KIFC1: variants seen among roughly 807,000 people sequenced by gnomAD.
KIFC1 encodes kinesin family member C1.
In KIFC1, 37 loss-of-function variants were observed where a neutral mutation model predicts 66.6. The ratio of observed to expected loss-of-function variants is 0.56; its 90% CI spans 0.43 to 0.73. KIFC1 has a LOEUF of 0.73. KIFC1 is among the 30% of genes least tolerant of loss of function. The pLI, the probability that KIFC1 is intolerant of heterozygous loss-of-function variation, is 0.00. For missense variants in KIFC1, 721 were observed against 859.8 expected, an observed-to-expected ratio of 0.84 and a Z score of 2.02; for synonymous variants, 325 against 343.5, an observed-to-expected ratio of 0.95 and a Z score of 0.60.
chr6:33,397,611 A>G (rs1775123403), intron 1 of KIFC1, among the ~76,000 whole-genome samples: 1 of 152,220 alleles, frequency 6.6e-6, no homozygotes, highest in Non-Finnish European at 1.5e-5. Flanking sequence ...GAAACATTTC[A>G]AACATGGCTC....
chr6:33,395,093 C>T (rs57206692), intron 1 of KIFC1, among the ~76,000 whole-genome samples: 9,073 of 152,190 alleles, frequency 0.06, 917 homozygotes, highest in African/African-American at 0.21. Context: ...CATGAAGTTA[C>T]TTGTGATCTT....
At position 33,406,212 on chromosome 6, in the gene KIFC1, A is replaced by G; in HGVS notation, c.1553A>G (p.His518Arg). Residue 518 changes from histidine (H) to arginine (R), a missense_variant, in exon 8 of 11, where the codon CAT (histidine) becomes CGT (arginine). Coordinates refer to ENST00000428849, the MANE Select transcript of KIFC1 (RefSeq NM_002263.4). The surrounding 1 kb of genome is among the most constrained non-coding windows in gnomAD (Gnocchi z 4.5). Reference protein sequence around the residue: ...SCEKEVDALLHLARQNRAVAR... With the variant: ...SCEKEVDALLRLARQNRAVAR... ...CATCCCCAGGTGGACGCCCTGCTTC[A>G]TCTGGCCCGCCAGAATCGGGCTGTG... 1 of 1,606,800 alleles carries G rather than the reference A, an allele frequency of 6.2e-7. No homozygotes were observed. The highest frequency in any genetic ancestry group is 8.5e-7 in the Non-Finnish European group (1 of 1,174,728).
intron 1 of KIFC1, among the ~76,000 whole-genome samples, chr6:33,392,966 T>C (rs1422595730): frequency 6.6e-6 from 1 of 152,130 alleles, no homozygotes; most frequent in South Asian, 2.1e-4. Context: ...AGACAATAAA[T>C]GTAATAAATG....
chr6:33,401,061 TTTG>T lies in KIFC1; in HGVS notation c.251-2250_251-2248del, dbSNP rs750355709. On this transcript the variant is annotated intron_variant, in intron 3 of 10. Coordinates refer to ENST00000428849, the MANE Select transcript of KIFC1 (RefSeq NM_002263.4). This position sits in a 1 kb window ranked among gnomAD's most constrained non-coding sequence, Gnocchi z 4.5. ...CCTCATGCTTTTTTTCTATCTAAAT[TTTG>T]TTTTGGGCGGGGAGCATATATTCAG... Among the ~76,000 whole-genome samples, 4 of 152,220 alleles carry T rather than the reference TTTG, an allele frequency of 2.6e-5. No individual in the cohort carries two copies. Among genetic ancestry groups the T allele is most frequent in the Non-Finnish European group, 5.9e-5 (4 of 68,032 alleles).
At chr6:33,407,089 T>C (rs1371095006) in intron 10 of KIFC1, 1 of 1,381,292 alleles carries the variant, frequency 7.2e-7, no homozygotes, top group Admixed American at 3.3e-5. Flanking sequence ...AGAAAGCTGA[T>C]TAAAAAAAAA....
At position 33,400,446 on chromosome 6, in the gene KIFC1, C is replaced by T; in HGVS notation, c.250+2059C>T. ...TGTCATCACCAACCTTTTTTGGAGA[C>T]AGACCCAGGGGGCCGATCTTGGGGG... On this transcript the variant is annotated intron_variant, in intron 3 of 10. Transcript: ENST00000428849. The surrounding 1 kb of genome is among the most constrained non-coding windows in gnomAD (Gnocchi z 4.3). 6.2e-7 allele frequency: 1 copy of T among 1,603,728 alleles called. No individual in the cohort carries two copies. Among genetic ancestry groups the T allele is most frequent in the South Asian group, 1.1e-5 (1 of 90,864 alleles).
rs772873310 is a variant in KIFC1, at chr6:33,406,577, A to G, written c.1828-15A>G. The G allele has an allele frequency of 8.1e-6, 13 of 1,613,912 alleles. No individual in the cohort carries two copies. Among genetic ancestry groups the G allele is most frequent in the Non-Finnish European group, 9.3e-6 (11 of 1,179,956 alleles). ...TGCCTATTCCTAAACATCTGTCCCC[A>G]CCTCAATCATCTAGGAGTCCCACGT... On this transcript the variant is annotated splice_polypyrimidine_tract_variant and intron_variant, in intron 8 of 10. Transcript: ENST00000428849. The surrounding 1 kb of genome is among the most constrained non-coding windows in gnomAD (Gnocchi z 4.5).
chr6:33,401,381 G>A lies in KIFC1; in HGVS notation c.251-1933G>A, dbSNP rs1056759457. 6.6e-6 allele frequency among the ~76,000 whole-genome samples: 1 copy of A among 152,014 alleles called. No homozygotes were observed. Among genetic ancestry groups the A allele is most frequent in the African/African-American group, 2.4e-5 (1 of 41,380 alleles). The stretch of plus-strand genomic sequence containing the variant: ...GATCTCCTGACCTCGTGATCCGCCC[G>A]CCTCAGCCTCCCAAAGTGCTGGGAT... On this transcript the variant is annotated intron_variant, in intron 3 of 10. Transcript: ENST00000428849. The surrounding 1 kb of genome is among the most constrained non-coding windows in gnomAD (Gnocchi z 4.5).
At chr6:33,408,688 T>C (rs1775761477) in intron 10 of KIFC1, among the ~76,000 whole-genome samples, 1 of 152,218 alleles carries the variant, frequency 6.6e-6, no homozygotes, top group Non-Finnish European at 1.5e-5. Flanking sequence ...CCAATGAATG[T>C]TTATCTGAGG....
rs1774808749 is a variant in KIFC1 at position 33,392,016 on chromosome 6, G to A, written c.12+19G>A. 1 of 1,613,632 alleles carries A rather than the reference G, an allele frequency of 6.2e-7. No homozygotes were observed. Among genetic ancestry groups the A allele is most frequent in the Non-Finnish European group, 8.5e-7 (1 of 1,179,814 alleles). On this transcript the variant is annotated intron_variant, in intron 1 of 10. Transcript: ENST00000428849. ...TCCGCAGGTGAGTAGGGGCGGCGCAGGTGTCCTGCCCTGGGGATGGGGACG... is the reference window on the plus strand; with the variant it reads ...TCCGCAGGTGAGTAGGGGCGGCGCAAGTGTCCTGCCCTGGGGATGGGGACG...
At position 33,403,134 on chromosome 6, in the gene KIFC1, CTG is replaced by C. The variant is rs1319172937; in HGVS notation, c.251-178_251-177del. On this transcript the variant is annotated intron_variant, in intron 3 of 10. Coordinates refer to ENST00000428849, the MANE Select transcript of KIFC1 (RefSeq NM_002263.4). The surrounding 1 kb of genome is among the most constrained non-coding windows in gnomAD (Gnocchi z 4.6). ...ACCCCTTTTGGATACTGAGGGATGA[CTG>C]TAATTTCTGGTTCTAGGGGAGGTAT... Among the ~76,000 whole-genome samples the C allele has an allele frequency of 1.3e-5, 2 of 152,062 alleles. No homozygotes were observed. The highest frequency in any genetic ancestry group is 6.5e-5 in the Admixed American group (1 of 15,274).
chr6:33,405,518 A>G lies in KIFC1; in HGVS notation c.1423A>G (p.Thr475Ala). The stretch of plus-strand genomic sequence containing the variant: ...TGAGACTGTCCGGGACCTGCTGGCC[A>G]CTGGAACCCGGAAGGGTCAAGGGGG... ...YNETVRDLLA[T>A]GTRKGQGGEC... The change falls in exon 7 of 11, where the codon ACT becomes GCT. Residue 475 changes from threonine (T) to alanine (A), a missense_variant. Thr to Ala is a moderately conservative substitution (Grantham distance 58, BLOSUM62 0). Coordinates refer to ENST00000428849, the MANE Select transcript of KIFC1 (RefSeq NM_002263.4). The surrounding 1 kb of genome is among the most constrained non-coding windows in gnomAD (Gnocchi z 5.4). 6.2e-7 allele frequency: 1 copy of G among 1,612,340 alleles called. No homozygotes were observed. Among genetic ancestry groups the G allele is most frequent in the Non-Finnish European group, 8.5e-7 (1 of 1,179,202 alleles).
rs142313923 is a variant in KIFC1, at chr6:33,404,001, C to A, written c.628C>A (p.Arg210Ser). 30,565 of 1,614,204 alleles carry A rather than the reference C, an allele frequency of 0.019. 546 individuals carry two copies. The highest frequency in any genetic ancestry group is 0.06 in the South Asian group (5,482 of 91,084). ...EQGQQELKNL[R>S]ACVLELEERL... ...GGGCCAACAGGAGCTGAAGAACTTG[C>A]GTGCTTGTGTCCTGGAGCTGGAAGA... The change falls in exon 6 of 11, where the codon CGT (arginine) becomes AGT (serine). Residue 210 changes from arginine to serine, a missense_variant. By Grantham distance (110) the Arg-to-Ser change is moderately radical. Transcript: ENST00000428849. This position sits in a 1 kb window ranked among gnomAD's most constrained non-coding sequence, Gnocchi z 4.0.
rs1292484878 is a variant in KIFC1 at position 33,405,752 on chromosome 6, T to A, written c.1536+121T>A. On this transcript the variant is annotated intron_variant, in intron 7 of 10. Coordinates refer to ENST00000428849, the MANE Select transcript of KIFC1 (RefSeq NM_002263.4). The surrounding 1 kb of genome is among the most constrained non-coding windows in gnomAD (Gnocchi z 5.4). ...AAGGATGAAGTGCAAGTTATCAGGC[T>A]GGGTTACCACATCCGGTTTTGGCCT... 9.0e-7 allele frequency: 1 copy of A among 1,117,096 alleles called. No homozygotes were observed. The highest frequency in any genetic ancestry group is 1.2e-6 in the Non-Finnish European group (1 of 824,540). The allele number at this position is 1,117,096 out of a possible 1,614,324, so 69.2% of individuals were successfully genotyped here.
At position 33,401,001 on chromosome 6, in the gene KIFC1, T is replaced by C. The variant is rs1183321147; in HGVS notation, c.251-2313T>C. ...ACTGAAAACACAAACATTGTATAGC[T>C]TTACAGAAATATTTTATTCCTTTAT... On this transcript the variant is annotated intron_variant, in intron 3 of 10. Transcript: ENST00000428849. The surrounding 1 kb of genome is among the most constrained non-coding windows in gnomAD (Gnocchi z 4.5). Among the ~76,000 whole-genome samples, 2 of 152,222 alleles carry C rather than the reference T, an allele frequency of 1.3e-5. No homozygotes were observed. The highest frequency in any genetic ancestry group is 2.9e-5 in the Non-Finnish European group (2 of 68,040).
At position 33,397,947 on chromosome 6, in the gene KIFC1, A is replaced by T. The variant is rs114542428; in HGVS notation, c.13-82A>T. 7.4e-6 allele frequency: 11 copies of T among 1,493,228 alleles called. No homozygotes were observed. The African/African-American group carries it at 1.4e-4, about 19-fold the overall frequency. The allele number at this position is 1,493,228 out of a possible 1,614,324, so 92.5% of individuals were successfully genotyped here. A position where few individuals can be genotyped will look rare whatever the true frequency, so the allele number is the denominator to read the frequency against. Reference sequence around the variant, plus strand: ...TCAGTGCTTGGTGGTGGTGTTGACAATTGAGGCTGGGGGCCAAGACAGGAA... The same window carrying T: ...TCAGTGCTTGGTGGTGGTGTTGACATTTGAGGCTGGGGGCCAAGACAGGAA... On this transcript the variant is annotated intron_variant, in intron 1 of 10. Transcript: ENST00000428849.
chr6:33,401,140 G>GT lies in KIFC1; in HGVS notation c.251-2168dup, dbSNP rs1273147849. Reference sequence around the variant, plus strand: ...CTTGAAAATAAAATTTTTGTTTTTTGTTTTTTGTTTTTGAGACAGAGTCTC... The same window carrying GT: ...CTTGAAAATAAAATTTTTGTTTTTTGTTTTTTTGTTTTTGAGACAGAGTCTC... On this transcript the variant is annotated intron_variant, in intron 3 of 10. Coordinates refer to ENST00000428849, the MANE Select transcript of KIFC1 (RefSeq NM_002263.4). This position sits in a 1 kb window ranked among gnomAD's most constrained non-coding sequence, Gnocchi z 4.5. 6.6e-6 allele frequency among the ~76,000 whole-genome samples: 1 copy of GT among 151,222 alleles called. No individual in the cohort carries two copies. Among genetic ancestry groups the GT allele is most frequent in the Non-Finnish European group, 1.5e-5 (1 of 67,728 alleles).
chr6:33,406,332 G>C lies in KIFC1; in HGVS notation c.1673G>C (p.Gly558Ala). Residue 558 changes from glycine (G) to alanine (A), a missense_variant, in exon 8 of 11, where the codon GGG becomes GCG. Gly to Ala is a moderately conservative substitution (Grantham distance 60). Transcript: ENST00000428849. The surrounding 1 kb of genome is among the most constrained non-coding windows in gnomAD (Gnocchi z 4.5). ...CACTCCAGCCGAGGCCTGCAGTGTGGGGCCCCCCTCAGTCTTGTGGACCTG... is the reference window on the plus strand; with the variant it reads ...CACTCCAGCCGAGGCCTGCAGTGTGCGGCCCCCCTCAGTCTTGTGGACCTG... ...GEHSSRGLQCGAPLSLVDLAG... is the reference protein window; with the variant it reads ...GEHSSRGLQCAAPLSLVDLAG... The C allele has an allele frequency of 6.2e-7, 1 of 1,614,238 alleles. No homozygotes were observed. The highest frequency in any genetic ancestry group is 8.5e-7 in the Non-Finnish European group (1 of 1,180,038).
intron 1 of KIFC1, among the ~76,000 whole-genome samples, 169 bp from the exon 2 acceptor site, chr6:33,397,860 T>G (rs1445247734): frequency 6.6e-6 from 1 of 152,160 alleles, no homozygotes; most frequent in Non-Finnish European, 1.5e-5. Flanking sequence ...CACTTTTAGG[T>G]TATGTCCTCA....
Sources: gnomAD v4.1 joint callset for allele counts (sites outside exome capture counted in the v4.1 genomes callset) on GRCh38, gnomAD v4.1.1 for gene constraint, Gnocchi (gnomAD v3.1) non-coding constraint, MANE v1.5 for transcripts, NCBI Gene and HGNC (gene_info 2026-07-23, HGNC 2026-07-21) for gene names.